LMF1: variants seen among roughly 807,000 people sequenced by gnomAD.
The protein encoded by LMF1 is transmembrane protein 112.
In LMF1, 68 loss-of-function variants were observed where a neutral mutation model predicts 60.6. The ratio of observed to expected loss-of-function variants is 1.12; its 90% CI spans 0.92 to 1.37. The LOEUF is 1.37. Among genes scored for constraint, LMF1 ranks in the 40% most tolerant of loss-of-function variants. LMF1 has a pLI of 0.00. For synonymous variants in LMF1, 418 were observed against 324.7 expected, an observed-to-expected ratio of 1.29 and a Z score of -3.09; for missense variants, 948 against 767.2, an observed-to-expected ratio of 1.24 and a Z score of -2.78.
chr16:919,440 G>GC (rs1208434486), intron 3 of LMF1, among the ~76,000 whole-genome samples: 2 of 137,366 alleles, frequency 1.5e-5, no homozygotes, highest in Admixed American at 1.5e-4. Flanking sequence ...TCACTGCTGA[G>GC]CCCCCCTGGG....
At chr16:871,664 C>G (rs979244750) in intron 6 of LMF1, 2 of 295,020 alleles carry the variant, frequency 6.8e-6, no homozygotes, top group Non-Finnish European at 1.3e-5. Flanking sequence ...CCTCCTGGAA[C>G]TCCTCACTTT....
intron 1 of LMF1, chr16:963,915 C>T (rs1213514765): frequency 2.6e-6 from 1 of 381,016 alleles, no homozygotes. Flanking sequence ...CAGTAAAAAT[C>T]TTGAAACATC....
intron 1 of LMF1, chr16:980,061 T>C (rs1416750984): frequency 6.4e-6 from 2 of 314,210 alleles, no homozygotes; most frequent in Non-Finnish European, 1.3e-5. Flanking sequence ...CAGCCAGCTC[T>C]CCACCTACGA....
At position 856,043 on chromosome 16, in the gene LMF1, G is replaced by A. The variant is rs369529125; in HGVS notation, c.1530-1337C>T. 2,893 of 441,630 alleles carry A rather than the reference G, an allele frequency of 6.6e-3. 89 individuals carry two copies. The highest frequency in any genetic ancestry group is 0.044 in the South Asian group (2,789 of 62,764). The allele number at this position is 441,630 out of a possible 1,614,324, so 27.4% of individuals were successfully genotyped here. A position where few individuals can be genotyped will look rare whatever the true frequency, so the allele number is the denominator to read the frequency against. ...ACAGAGACCCTCTGGGTGGAGGAGG[G>A]TCCCTGAGGCGCCTGATGGGAGAGA... On this transcript the variant is annotated intron_variant, in intron 10 of 10. Transcript: ENST00000262301.
At chr16:892,758 C>T (rs917289306) in intron 5 of LMF1, among the ~76,000 whole-genome samples, 8 of 152,180 alleles carry the variant, frequency 5.3e-5, no homozygotes, top group South Asian at 4.1e-4. Context: ...GGAGGGTGCC[C>T]GTGCAGGAAC....
intron 5 of LMF1, chr16:887,139 G>A (rs1014153221): frequency 2.6e-5 from 4 of 152,128 alleles, no homozygotes; most frequent in Non-Finnish European, 5.9e-5. Context: ...CACAGTCTGA[G>A]CGGGCTGGCA....
intron 5 of LMF1, among the ~76,000 whole-genome samples, chr16:888,010 C>T (rs1169039975): frequency 4.6e-5 from 7 of 152,166 alleles, no homozygotes; most frequent in Non-Finnish European, 1.0e-4. Flanking sequence ...GGCCTGGGCC[C>T]CAGCGGTGAG....
At chr16:932,503 G>A (rs12446849) in intron 3 of LMF1, among the ~76,000 whole-genome samples, 7,531 of 152,282 alleles carry the variant, frequency 0.049, 211 homozygotes, top group Non-Finnish European at 0.067. Context: ...GACTTCTCCC[G>A]CTAGACACAG....
rs73497222 is a variant in LMF1, at chr16:876,589, C to T, written c.897+2981G>A. Among the ~76,000 whole-genome samples the T allele has an allele frequency of 8.0e-4, 121 of 152,104 alleles. 1 individual carries two copies. The highest frequency in any genetic ancestry group is 2.6e-3 in the African/African-American group (108 of 41,456). Reference sequence around the variant, plus strand: ...CTTTGTAGTCTCTGCACAGTTTTTCCGAAAATCTAAAAGTGTTCTAAAATA... The same window carrying T: ...CTTTGTAGTCTCTGCACAGTTTTTCTGAAAATCTAAAAGTGTTCTAAAATA... On this transcript the variant is annotated intron_variant, in intron 6 of 10. Transcript: ENST00000262301.
At chr16:959,018 G>A (rs1458768561) in intron 1 of LMF1, among the ~76,000 whole-genome samples, 3 of 152,154 alleles carry the variant, frequency 2.0e-5, no homozygotes, top group South Asian at 2.1e-4. Context: ...GATGGCAGAC[G>A]GTGGCATCTG....
intron 4 of LMF1, among the ~76,000 whole-genome samples, chr16:909,727 G>A (rs1229309312): frequency 6.6e-6 from 1 of 152,186 alleles, no homozygotes; most frequent in Non-Finnish European, 1.5e-5. Context: ...CAGCTGCCCC[G>A]GGGGGACAGG....
intron 3 of LMF1, among the ~76,000 whole-genome samples, chr16:917,616 T>A (rs117848950): frequency 0.011 from 1,683 of 152,282 alleles, 22 homozygotes; most frequent in Middle Eastern, 0.041. Context: ...CGCTGACCCC[T>A]CCGGCTCACT....
chr16:920,794 C>T (rs1466220177), intron 3 of LMF1, among the ~76,000 whole-genome samples: 1 of 152,266 alleles, frequency 6.6e-6, no homozygotes, highest in Non-Finnish European at 1.5e-5. Flanking sequence ...TAACACGTTA[C>T]ACTGGAACGT....
Position 893,048 on chromosome 16 carries a change from G to T in LMF1, c.688C>A (p.Arg230=), listed in dbSNP as rs376563644. The change falls in exon 5 of 11, where the codon CGG becomes AGG. Residue 230 remains arginine (R), a synonymous_variant. Coordinates refer to ENST00000262301, the MANE Select transcript of LMF1 (RefSeq NM_022773.4). ...ATGCAGGTGAGGTCTCGCCAGCACCGGTCCCCCCGGATCTTGATCAGGCCC... is the reference window on the plus strand; with the variant it reads ...ATGCAGGTGAGGTCTCGCCAGCACCTGTCCCCCCGGATCTTGATCAGGCCC... ...GAGLIKIRGD[R]CWRDLTCMDF... is the part of the protein sequence containing the mutation. The T allele has an allele frequency of 1.9e-6, 3 of 1,553,368 alleles. No homozygotes were observed. The highest frequency in any genetic ancestry group is 2.6e-6 in the Non-Finnish European group (3 of 1,148,670).
In LMF1 at chr16:897,563, T is replaced by G. The variant is rs1040774418; in HGVS notation, c.664-4491A>C. The stretch of plus-strand genomic sequence containing the variant: ...GCAGGAGAGACTCAAAGGGGAGAGC[T>G]TTGTCCTGGAGTCAGGTCACAGCCC... On this transcript the variant is annotated intron_variant, in intron 4 of 10. Coordinates refer to ENST00000262301, the MANE Select transcript of LMF1 (RefSeq NM_022773.4). The surrounding 1 kb of genome is among the most constrained non-coding windows in gnomAD (Gnocchi z 4.3). Among the ~76,000 whole-genome samples, 2 of 152,118 alleles carry G rather than the reference T, an allele frequency of 1.3e-5. No homozygotes were observed. The highest frequency in any genetic ancestry group is 2.9e-5 in the Non-Finnish European group (2 of 67,994).
intron 4 of LMF1, among the ~76,000 whole-genome samples, chr16:909,320 AAGAGCTATGCCC>A (rs1203366315): frequency 1.3e-5 from 2 of 152,154 alleles, no homozygotes; most frequent in Non-Finnish European, 2.9e-5. Context: ...AGATGGAAAG[AAGAGCTATGCCC>A]AGACATGGAC....
chr16:853,754 G>A lies in LMF1; in HGVS notation c.*778C>T, dbSNP rs749728582. On this transcript the variant is annotated 3_prime_UTR_variant, in exon 11 of 11. Coordinates refer to ENST00000262301, the MANE Select transcript of LMF1 (RefSeq NM_022773.4). ...CGCTGTTTGTCCGACGATGATGAAA[G>A]TGTGCACGGCCGGCTGTCCTCCGAT... 1.3e-5 allele frequency: 6 copies of A among 454,046 alleles called. No homozygotes were observed. Among genetic ancestry groups the A allele is most frequent in the African/African-American group, 8.0e-5 (4 of 50,014 alleles). 28.1% of individuals were successfully genotyped at this position (454,046 alleles called of 1,614,324 possible).
intron 5 of LMF1, among the ~76,000 whole-genome samples, chr16:880,575 C>T (rs2070132732): frequency 6.6e-6 from 1 of 152,224 alleles, no homozygotes; most frequent in Admixed American, 6.5e-5. Flanking sequence ...GAGGCTGAGT[C>T]AGGAGGATCG....
intron 1 of LMF1, among the ~76,000 whole-genome samples, chr16:978,413 G>A (rs1460075306): frequency 6.6e-6 from 1 of 152,024 alleles, no homozygotes; most frequent in African/African-American, 2.4e-5. Context: ...CCACGGGTAG[G>A]GTGGGGTGGT....
Sources: gnomAD v4.1 joint callset for allele counts (sites outside exome capture counted in the v4.1 genomes callset) on GRCh38, gnomAD v4.1.1 for gene constraint, Gnocchi (gnomAD v3.1) non-coding constraint, MANE v1.5 for transcripts, NCBI Gene and HGNC (gene_info 2026-07-23, HGNC 2026-07-21) for gene names.